The following TMEM200A variants were observed in gnomAD, a reference collection of about 807,000 sequenced individuals.
TMEM200A encodes the protein two transmembrane C.
Under a neutral mutation model 24.3 loss-of-function variants are expected in TMEM200A, and 12 were observed. The ratio of observed to expected loss-of-function variants is 0.49; its 90% CI spans 0.32 to 0.80. TMEM200A has a LOEUF of 0.80. Ranked by LOEUF, TMEM200A falls within the 30% of genes least tolerant of loss-of-function variation. TMEM200A has a pLI of 0.04. For synonymous variants in TMEM200A, 224 were observed against 224.4 expected, an observed-to-expected ratio of 1.00 and a Z score of 0.02; for missense variants, 545 against 614.4, an observed-to-expected ratio of 0.89 and a Z score of 1.19.
At chr6:130,439,088 A>T (rs964594947) in intron 2 of TMEM200A, 12 of 152,318 alleles carry the variant, frequency 7.9e-5, no homozygotes, top group African/African-American at 2.9e-4. Flanking sequence ...GTTAGAGACA[A>T]AGTTAAAGTC....
intron 2 of TMEM200A, among the ~76,000 whole-genome samples, chr6:130,389,257 CACA>C (rs1419999501): frequency 6.6e-6 from 1 of 152,110 alleles, no homozygotes; most frequent in African/African-American, 2.4e-5. Context: ...TACCCAGTCA[CACA>C]ACAAGATATA....
At chr6:130,380,962 G>A (rs1350640954) in intron 1 of TMEM200A, among the ~76,000 whole-genome samples, 2 of 152,080 alleles carry the variant, frequency 1.3e-5, no homozygotes, top group Non-Finnish European at 2.9e-5. Context: ...ACTCCAGCCT[G>A]GGAAACAGAG....
intron 2 of TMEM200A, among the ~76,000 whole-genome samples, chr6:130,420,491 A>G (rs1779556357): frequency 6.6e-6 from 1 of 152,150 alleles, no homozygotes; most frequent in South Asian, 2.1e-4. Flanking sequence ...CACCAGGAAG[A>G]GAGGAACATC....
At chr6:130,440,055 AGAAGAGAAAGAGTG>A (rs368308870) in intron 2 of TMEM200A, among the ~76,000 whole-genome samples, 10 of 136,886 alleles carry the variant, frequency 7.3e-5, no homozygotes, top group South Asian at 5.2e-4. Context: ...AGAGAGAGAG[AGAAGAGAAAGAGTG>A]AGCATCAGTC....
chr6:130,380,487 T>A (rs1458112682), intron 1 of TMEM200A, among the ~76,000 whole-genome samples: 1 of 152,244 alleles, frequency 6.6e-6, no homozygotes, highest in African/African-American at 2.4e-5. Context: ...AGCAGAAGAC[T>A]CTGAGGGCTA....
At chr6:130,388,382 C>T (rs1408759460) in intron 2 of TMEM200A, among the ~76,000 whole-genome samples, 1 of 152,098 alleles carries the variant, frequency 6.6e-6, no homozygotes, top group Non-Finnish European at 1.5e-5. Flanking sequence ...AAAGTGATAA[C>T]CCCCTGGAAT....
intron 2 of TMEM200A, among the ~76,000 whole-genome samples, chr6:130,402,782 T>C (rs1423239687): frequency 6.6e-6 from 1 of 152,154 alleles, no homozygotes; most frequent in Non-Finnish European, 1.5e-5. Context: ...TTAAAGTATG[T>C]ATGTTAGATA....
chr6:130,405,534 C>T (rs989809314), intron 2 of TMEM200A, among the ~76,000 whole-genome samples: 3 of 152,142 alleles, frequency 2.0e-5, no homozygotes, highest in African/African-American at 7.2e-5. Context: ...CATTAGTTGA[C>T]TTTGCATCAT....
intron 2 of TMEM200A, among the ~76,000 whole-genome samples, chr6:130,424,306 G>C (rs1779673904): frequency 6.6e-6 from 1 of 152,018 alleles, no homozygotes; most frequent in Non-Finnish European, 1.5e-5. Flanking sequence ...CAATGAAATG[G>C]AGCAATTTTT....
At chr6:130,406,465 T>A (rs1367285827) in intron 2 of TMEM200A, among the ~76,000 whole-genome samples, 1 of 152,172 alleles carries the variant, frequency 6.6e-6, no homozygotes, top group East Asian at 1.9e-4. Context: ...CACATATTTT[T>A]AAATATAAAT....
intron 1 of TMEM200A, among the ~76,000 whole-genome samples, chr6:130,378,677 C>T (rs755811854): frequency 5.0e-4 from 73 of 146,320 alleles, no homozygotes; most frequent in Non-Finnish European, 7.7e-4. Context: ...GAGCCAAGAT[C>T]GTGCCACTGC....
intron 2 of TMEM200A, among the ~76,000 whole-genome samples, chr6:130,415,487 T>C (rs773132792): frequency 2.0e-5 from 3 of 152,184 alleles, no homozygotes; most frequent in Non-Finnish European, 4.4e-5. Context: ...ATCAGCTCTA[T>C]ATAATGAAAA....
chr6:130,366,260 G>T lies in TMEM200A; in HGVS notation c.-345G>T. 10 of 985,354 alleles carry T rather than the reference G, an allele frequency of 1.0e-5. No homozygotes were observed. The highest frequency in any genetic ancestry group is 1.2e-5 in the Non-Finnish European group (10 of 829,956). 61.0% of individuals were successfully genotyped at this position (985,354 alleles called of 1,614,324 possible). ...GGTGCCCCCCCGGCGCGGGCATAGG[G>T]GCGCCCCCACCCTCCGTCCGCTTGC... is the stretch of plus-strand genomic sequence containing the variant. On this transcript the variant is annotated 5_prime_UTR_variant, in exon 1 of 3. Transcript: ENST00000296978. This position sits in a 1 kb window ranked among gnomAD's most constrained non-coding sequence, Gnocchi z 4.4.
intron 2 of TMEM200A, among the ~76,000 whole-genome samples, chr6:130,414,116 G>T (rs1779393587): frequency 6.6e-6 from 1 of 152,056 alleles, no homozygotes; most frequent in Non-Finnish European, 1.5e-5. Context: ...TAATAAAAAT[G>T]AATGTAATTA....
intron 2 of TMEM200A, among the ~76,000 whole-genome samples, chr6:130,439,917 A>G (rs1449353031): frequency 2.0e-5 from 3 of 152,146 alleles, no homozygotes; most frequent in Non-Finnish European, 2.9e-5. Context: ...AATTGCTGGA[A>G]TGTATCCTCT....
chr6:130,395,164 C>T (rs1013053152), intron 2 of TMEM200A, among the ~76,000 whole-genome samples: 1 of 152,308 alleles, frequency 6.6e-6, no homozygotes, highest in Non-Finnish European at 1.5e-5. Context: ...TTTCCACTCC[C>T]CATTTCCCTC....
At chr6:130,409,458 C>A (rs1193439347) in intron 2 of TMEM200A, among the ~76,000 whole-genome samples, 1 of 152,168 alleles carries the variant, frequency 6.6e-6, no homozygotes, top group Non-Finnish European at 1.5e-5. Flanking sequence ...TTTGTCTCTG[C>A]AACTATGTGG....
At chr6:130,383,990 C>T (rs1163037367) in intron 1 of TMEM200A, among the ~76,000 whole-genome samples, 1 of 151,990 alleles carries the variant, frequency 6.6e-6, no homozygotes, top group Non-Finnish European at 1.5e-5. Flanking sequence ...TGTGGTGGTG[C>T]ACACCTGTGG....
chr6:130,429,149 A>G (rs1779815776), intron 2 of TMEM200A, among the ~76,000 whole-genome samples: 2 of 152,138 alleles, frequency 1.3e-5, no homozygotes, highest in South Asian at 4.1e-4. Context: ...AAAATTACTA[A>G]CTGGATTTAA....
Sources: allele counts gnomAD v4.1 joint callset (sites outside exome capture counted in the v4.1 genomes callset), GRCh38; gene constraint gnomAD v4.1.1; non-coding constraint Gnocchi (gnomAD v3.1); transcripts MANE v1.5; gene names NCBI Gene and HGNC (gene_info 2026-07-23, HGNC 2026-07-21).